Variants in MAGI1 observed in about 807,000 individuals in gnomAD.
The protein encoded by MAGI1 is membrane-associated guanylate kinase, WW and PDZ domain-containing protein 1.
A neutral mutation model predicts 139.9 loss-of-function variants in MAGI1; 58 were observed. The observed-to-expected ratio is 0.41, with a 90% CI of 0.34 to 0.52. The LOEUF is 0.52. Among genes scored for constraint, MAGI1 ranks in the 20% least tolerant of loss-of-function variants. The pLI, the probability that MAGI1 is intolerant of heterozygous loss-of-function variation, is 0.12. For synonymous variants in MAGI1, 812 were observed against 737.9 expected, an observed-to-expected ratio of 1.10 and a Z score of -1.63; for missense variants, 1,874 against 1,901.6, an observed-to-expected ratio of 0.99 and a Z score of 0.27.
chr3:65,705,768 C>T (rs371008893), intron 1 of MAGI1, among the ~76,000 whole-genome samples: 7 of 152,268 alleles, frequency 4.6e-5, no homozygotes, highest in East Asian at 3.9e-4. Flanking sequence ...AGTTTGAGCT[C>T]ACTAATATGA....
At chr3:65,687,900 G>A (rs1444343362) in intron 1 of MAGI1, 1 of 654,360 alleles carries the variant, frequency 1.5e-6, no homozygotes, top group South Asian at 1.4e-5. Context: ...GGTATTGCAG[G>A]GTGCCTTAGC....
intron 1 of MAGI1, among the ~76,000 whole-genome samples, chr3:65,961,725 A>G (rs2064434232): frequency 6.6e-6 from 1 of 152,206 alleles, no homozygotes; most frequent in Non-Finnish European, 1.5e-5. Flanking sequence ...AGGTGAACTG[A>G]TATCAAAGAA....
chr3:65,891,029 A>G (rs916733507), intron 1 of MAGI1, among the ~76,000 whole-genome samples: 1 of 152,086 alleles, frequency 6.6e-6, no homozygotes, highest in African/African-American at 2.4e-5. Context: ...TCTGGGCAAC[A>G]CGGCAAAACC....
intron 1 of MAGI1, among the ~76,000 whole-genome samples, chr3:66,031,857 G>A (rs1476512979): frequency 6.6e-6 from 1 of 151,920 alleles, no homozygotes; most frequent in Non-Finnish European, 1.5e-5. Flanking sequence ...TGAGGACACA[G>A]GTCCCACATC....
intron 1 of MAGI1, among the ~76,000 whole-genome samples, chr3:65,656,029 C>CTA (rs1278976386): frequency 6.6e-6 from 1 of 152,130 alleles, no homozygotes; most frequent in Non-Finnish European, 1.5e-5. Context: ...TTAGTGCTGT[C>CTA]TATGTATGCA....
At chr3:65,925,450 A>G (rs2062449564) in intron 1 of MAGI1, among the ~76,000 whole-genome samples, 1 of 152,220 alleles carries the variant, frequency 6.6e-6, no homozygotes, top group Admixed American at 6.5e-5. Context: ...ACTGCAAACA[A>G]CCCAAGGCCA....
At chr3:65,646,878 A>G (rs1423236406) in intron 1 of MAGI1, among the ~76,000 whole-genome samples, 1 of 152,126 alleles carries the variant, frequency 6.6e-6, no homozygotes, top group Non-Finnish European at 1.5e-5. Context: ...AAATTGTACA[A>G]TTACACGTAA....
At chr3:65,614,314 T>C (rs1162143341) in intron 2 of MAGI1, among the ~76,000 whole-genome samples, 1 of 152,160 alleles carries the variant, frequency 6.6e-6, no homozygotes, top group Non-Finnish European at 1.5e-5. Flanking sequence ...AGTAAACTAA[T>C]AGTACAAATG....
At chr3:65,737,839 G>T (rs1476155463) in intron 1 of MAGI1, among the ~76,000 whole-genome samples, 2 of 152,062 alleles carry the variant, frequency 1.3e-5, no homozygotes, top group Admixed American at 1.3e-4. Context: ...GAAGCCTGAA[G>T]TTTCACTTAA....
chr3:65,368,168 A>ATTT, intron 18 of MAGI1, among the ~76,000 whole-genome samples: 1 of 152,226 alleles, frequency 6.6e-6, no homozygotes. Context: ...GGTGGAAAAA[A>ATTT]TATAAAAGAA....
intron 1 of MAGI1, among the ~76,000 whole-genome samples, chr3:65,807,436 A>T (rs1401935658): frequency 6.6e-6 from 1 of 152,224 alleles, no homozygotes; most frequent in African/African-American, 2.4e-5. Flanking sequence ...ACTTAATCAC[A>T]GCCTAAAGGC....
intron 13 of MAGI1, among the ~76,000 whole-genome samples, chr3:65,395,745 C>T (rs1944342972): frequency 6.6e-6 from 1 of 150,798 alleles, no homozygotes; most frequent in African/African-American, 2.4e-5. Context: ...TGGGAGGCCA[C>T]ATAACGCATG....
At chr3:65,587,139 A>G (rs774882623) in intron 2 of MAGI1, among the ~76,000 whole-genome samples, 3 of 152,140 alleles carry the variant, frequency 2.0e-5, no homozygotes, top group Non-Finnish European at 4.4e-5. Flanking sequence ...AGACTTTGCT[A>G]CTTTTTTCTT....
chr3:65,944,759 T>C (rs143092077), intron 1 of MAGI1, among the ~76,000 whole-genome samples: 56 of 152,274 alleles, frequency 3.7e-4, no homozygotes, highest in South Asian at 2.1e-3. Flanking sequence ...CAAAGATATA[T>C]GTCTAAATTT....
intron 2 of MAGI1, among the ~76,000 whole-genome samples, chr3:65,513,661 T>C: frequency 1.1e-5 from 1 of 87,652 alleles, no homozygotes; most frequent in African/African-American, 4.0e-5. Flanking sequence ...TAAAAGAGGA[T>C]ACAAACAAAT....
chr3:65,379,064 T>C (rs886190079), intron 17 of MAGI1, 197 bp downstream of exon 17: 41 of 1,142,154 alleles, frequency 3.6e-5, no homozygotes, highest in East Asian at 7.7e-5. Context: ...GTTGAAAGGG[T>C]TGAACAAATA....
chr3:65,363,443 C>G (rs1434175481), intron 21 of MAGI1, 22 bp downstream of exon 21: 1 of 1,592,630 alleles, frequency 6.3e-7, no homozygotes, highest in African/African-American at 1.3e-5. Context: ...TGCACCTACC[C>G]CAGACTCCTC....
At chr3:65,881,730 T>A (rs1389221403) in intron 1 of MAGI1, among the ~76,000 whole-genome samples, 2 of 152,208 alleles carry the variant, frequency 1.3e-5, no homozygotes, top group Non-Finnish European at 2.9e-5. Flanking sequence ...CGTCTAGGTG[T>A]ACAGGAATGT....
At chr3:65,644,876 A>G (rs2085172498) in intron 1 of MAGI1, among the ~76,000 whole-genome samples, 1 of 152,012 alleles carries the variant, frequency 6.6e-6, no homozygotes, top group Non-Finnish European at 1.5e-5. Flanking sequence ...GCACACCTAT[A>G]ATCCCAGTTA....
Sources: allele counts gnomAD v4.1 joint callset (sites outside exome capture counted in the v4.1 genomes callset), GRCh38; gene constraint gnomAD v4.1.1; transcripts MANE v1.5; gene names NCBI Gene and HGNC (gene_info 2026-07-23, HGNC 2026-07-21).